Variants in FLNB observed in about 807,000 individuals in gnomAD.
FLNB encodes the protein filamin-B.
In FLNB, 111 loss-of-function variants were observed where a neutral mutation model predicts 250.6. That is an observed-to-expected ratio of 0.44 (90% CI 0.38 to 0.52). The LOEUF is 0.52. Among genes scored for constraint, FLNB ranks in the 20% least tolerant of loss-of-function variants. FLNB has a pLI of 0.00. For synonymous variants in FLNB, 1,302 were observed against 1,372.1 expected, an observed-to-expected ratio of 0.95 and a Z score of 1.13; for missense variants, 2,869 against 3,447.8, an observed-to-expected ratio of 0.83 and a Z score of 4.20.
At position 58,121,467 on chromosome 3, in the gene FLNB, C is replaced by T. The variant is rs112968165; in HGVS notation, c.3090C>T (p.Tyr1030=). Residue 1030 remains tyrosine, a synonymous_variant, in exon 20 of 46, where the codon TAC becomes TAT. Transcript: ENST00000295956. ...YDGHPVPGSP[Y]TVEASLPPDP... ...GACACCCTGTGCCCGGGAGCCCCTA[C>T]ACAGTGGAGGCCTCGCTGCCACCAG... is the stretch of plus-strand genomic sequence containing the variant. The T allele has an allele frequency of 7.2e-4, 1,166 of 1,614,164 alleles. 9 individuals are homozygous for T. The African/African-American group carries it at 0.013, about 17-fold the overall frequency.
chr3:58,107,912 C>T (rs2097262266), intron 12 of FLNB, among the ~76,000 whole-genome samples: 1 of 152,178 alleles, frequency 6.6e-6, no homozygotes, highest in Non-Finnish European at 1.5e-5. Context: ...AAAGTGGGAA[C>T]GTTGAAACTG....
intron 39 of FLNB, chr3:58,154,579 C>A: frequency 3.7e-6 from 2 of 534,320 alleles, no homozygotes; most frequent in East Asian, 3.4e-5. Flanking sequence ...CTTCAGAGGA[C>A]TCCAGATGTC....
chr3:58,020,509 C>T (rs984907281), intron 1 of FLNB, among the ~76,000 whole-genome samples: 1 of 152,208 alleles, frequency 6.6e-6, no homozygotes, highest in Non-Finnish European at 1.5e-5. Context: ...CTCAGCCTCC[C>T]CAGCCGTCGC....
At chr3:58,144,693 G>C (rs2097332920) in intron 32 of FLNB, among the ~76,000 whole-genome samples, 2 of 152,230 alleles carry the variant, frequency 1.3e-5, no homozygotes, top group Non-Finnish European at 2.9e-5. Flanking sequence ...GCCCTTCAGA[G>C]GGGCTGTTGC....
At chr3:58,123,794 T>C (rs2107177386) in intron 21 of FLNB, 104 bp downstream of exon 21, 2 of 978,626 alleles carry the variant, frequency 2.0e-6, no homozygotes, top group East Asian at 5.2e-5. Flanking sequence ...AGGAGCCAGG[T>C]GACATATAAG....
At chr3:58,161,187 G>A (rs192190160) in intron 42 of FLNB, among the ~76,000 whole-genome samples, 5 of 152,260 alleles carry the variant, frequency 3.3e-5, no homozygotes, top group Admixed American at 2.6e-4. Flanking sequence ...ATGGAGAGGA[G>A]GGACTTGAGG....
intron 42 of FLNB, chr3:58,162,557 T>C (rs1041980971): frequency 2.3e-4 from 35 of 152,854 alleles, no homozygotes; most frequent in African/African-American, 8.5e-4. Context: ...TTTTTTCCCT[T>C]CATATATATT....
chr3:58,056,602 A>T (rs9832281), intron 1 of FLNB, among the ~76,000 whole-genome samples: 8,801 of 151,844 alleles, frequency 0.058, 819 homozygotes, highest in African/African-American at 0.2. Flanking sequence ...TCAGTTATGT[A>T]TTTATTTATT....
chr3:58,108,689 T>C lies in FLNB; in HGVS notation c.2055+118T>C, dbSNP rs946603376. On this transcript the variant is annotated intron_variant, in intron 13 of 45. Coordinates refer to ENST00000295956, the MANE Select transcript of FLNB (RefSeq NM_001457.4). ...TTCCTCATCTGCACCGTGGAAATGA[T>C]AAGAAGATTATCTTATAGGGTTATG... 3 of 709,316 alleles carry C rather than the reference T, an allele frequency of 4.2e-6. No homozygotes were observed. In the African/African-American group the frequency reaches 5.2e-5, roughly 12 times the overall value. 43.9% of individuals were successfully genotyped at this position (709,316 alleles called of 1,614,324 possible).
At chr3:58,070,053 T>TTTC (rs1553689894) in intron 1 of FLNB, among the ~76,000 whole-genome samples, 1 of 103,464 alleles carries the variant, frequency 9.7e-6, no homozygotes, top group African/African-American at 6.4e-5. Context: ...TTCTTTCTTT[T>TTTC]TTTTTTTTTT....
chr3:58,014,169 G>A (rs2097102603), intron 1 of FLNB, among the ~76,000 whole-genome samples: 2 of 152,206 alleles, frequency 1.3e-5, no homozygotes, highest in Admixed American at 6.5e-5. Context: ...AAGTCATGCC[G>A]GAAAGGTTTG....
At chr3:58,108,412 T>C in intron 12 of FLNB, 46 bp from the exon 13 acceptor site, 2 of 1,236,272 alleles carry the variant, frequency 1.6e-6, no homozygotes, top group Non-Finnish European at 2.4e-6. Context: ...AAGGGTTTAG[T>C]TGGGGCATTA....
chr3:58,132,529 A>G, intron 25 of FLNB: 1 of 520,320 alleles, frequency 1.9e-6, no homozygotes. Context: ...ACCCTCCAGC[A>G]GCAAGCACAG....
At chr3:58,163,861 C>A (rs576130059) in intron 43 of FLNB, 2 of 156,206 alleles carry the variant, frequency 1.3e-5, no homozygotes, top group Non-Finnish European at 2.8e-5. Context: ...TTTTTAGACC[C>A]GTTACAATTT....
chr3:58,124,352 A>G lies in FLNB; in HGVS notation c.3745A>G (p.Thr1249Ala), dbSNP rs1233948200. The change falls in exon 22 of 46, where the codon ACC (threonine) becomes GCC (alanine). Residue 1249 changes from threonine (T) to alanine (A), a missense_variant. Physicochemically the swap from Thr to Ala is moderately conservative, Grantham distance 58. Transcript: ENST00000295956. ...TGCAGATGTGTTCCGGGAAGCTACCACCGACTTTACAGTTGACTCTCGGCC... is the reference window on the plus strand; with the variant it reads ...TGCAGATGTGTTCCGGGAAGCTACCGCCGACTTTACAGTTGACTCTCGGCC... ...EGKDVFREAT[T>A]DFTVDSRPLT... 1 of 1,614,150 alleles carries G rather than the reference A, an allele frequency of 6.2e-7. No individual in the cohort carries two copies. The highest frequency in any genetic ancestry group is 8.5e-7 in the Non-Finnish European group (1 of 1,180,030).
chr3:58,036,180 C>T (rs2097137885), intron 1 of FLNB, among the ~76,000 whole-genome samples: 1 of 152,194 alleles, frequency 6.6e-6, no homozygotes, highest in African/African-American at 2.4e-5. Flanking sequence ...TCTTCGTCAG[C>T]TCTGGGGCTT....
chr3:58,045,606 T>G (rs1019026565), intron 1 of FLNB, among the ~76,000 whole-genome samples: 1 of 152,228 alleles, frequency 6.6e-6, no homozygotes, highest in Admixed American at 6.5e-5. Flanking sequence ...AACTCAATTT[T>G]GTGAACCTGA....
chr3:58,136,746 C>CTTTTTTTTTTTTTTTTTTTTT (rs57053256), intron 28 of FLNB, among the ~76,000 whole-genome samples: 1 of 79,798 alleles, frequency 1.3e-5, no homozygotes, highest in Non-Finnish European at 2.2e-5. Context: ...ACAGGCCATT[C>CTTTTTTTTTTTTTTTTTTTTT]TTTTTTTTTT....
At chr3:58,152,882 T>C in intron 38 of FLNB, 1 of 437,956 alleles carries the variant, frequency 2.3e-6, no homozygotes. Flanking sequence ...AGTGATGTGG[T>C]CTTGCGTCCT....
Sources: gnomAD v4.1 joint callset for allele counts (sites outside exome capture counted in the v4.1 genomes callset) on GRCh38, gnomAD v4.1.1 for gene constraint, MANE v1.5 for transcripts, NCBI Gene and HGNC (gene_info 2026-07-23, HGNC 2026-07-21) for gene names.